Variants in KCNK1 observed in about 807,000 individuals in gnomAD.
KCNK1 encodes potassium two pore domain channel subfamily K member 1, also known as potassium channel subfamily K member 1.
KCNK1 carries 10 observed loss-of-function variants against 22.2 expected under a neutral mutation model. The ratio of observed to expected loss-of-function variants is 0.45; its 90% CI spans 0.28 to 0.76. KCNK1 has a LOEUF of 0.76. Ranked by LOEUF, KCNK1 falls within the 30% of genes least tolerant of loss-of-function variation. KCNK1 has a pLI of 0.14. For missense variants in KCNK1, 378 were observed against 421.0 expected (o/e 0.90, Z 0.89); for synonymous variants, 200 against 186.4 (o/e 1.07, Z -0.60).
chr1:233,644,975 A>G (rs1658066516), intron 1 of KCNK1, among the ~76,000 whole-genome samples: 1 of 152,168 alleles, frequency 6.6e-6, no homozygotes, highest in Non-Finnish European at 1.5e-5. Flanking sequence ...CGGGTGGATC[A>G]CGAGGTCAGG....
At chr1:233,667,286 G>T (rs190375509) in intron 2 of KCNK1, among the ~76,000 whole-genome samples, 1 of 152,108 alleles carries the variant, frequency 6.6e-6, no homozygotes, top group East Asian at 1.9e-4. Flanking sequence ...GAAGTTTTCC[G>T]AATTTACCAC....
chr1:233,655,187 G>A (rs2102904015), intron 1 of KCNK1, among the ~76,000 whole-genome samples: 1 of 152,318 alleles, frequency 6.6e-6, no homozygotes, highest in Non-Finnish European at 1.5e-5. Flanking sequence ...GACTTTGCTA[G>A]GGACCTATCC....
chr1:233,633,093 T>G (rs1282883393), intron 1 of KCNK1, among the ~76,000 whole-genome samples: 1 of 151,686 alleles, frequency 6.6e-6, no homozygotes, highest in African/African-American at 2.4e-5. Flanking sequence ...CTGTGTTGAT[T>G]TTTAGTGAGT....
chr1:233,618,845 C>T (rs1657529926), intron 1 of KCNK1, among the ~76,000 whole-genome samples: 1 of 152,086 alleles, frequency 6.6e-6, no homozygotes, highest in Non-Finnish European at 1.5e-5. Context: ...GATTGCACCA[C>T]TGTACTCCAG....
intron 1 of KCNK1, chr1:233,630,746 A>G (rs1657777373): frequency 6.5e-6 from 1 of 153,420 alleles, no homozygotes; most frequent in African/African-American, 2.4e-5. Context: ...ACATGTGCGC[A>G]GGTGATTCTT....
chr1:233,643,103 G>A (rs974770936), intron 1 of KCNK1, among the ~76,000 whole-genome samples: 6 of 151,940 alleles, frequency 3.9e-5, no homozygotes, highest in African/African-American at 1.5e-4. Flanking sequence ...TTTAATGTCA[G>A]TGATGAGGAA....
intron 1 of KCNK1, among the ~76,000 whole-genome samples, chr1:233,616,042 A>G (rs1189742073): frequency 1.3e-5 from 2 of 152,186 alleles, no homozygotes; most frequent in African/African-American, 2.4e-5. Flanking sequence ...TTTTCTTTCC[A>G]TAACTCTGCC....
intron 1 of KCNK1, among the ~76,000 whole-genome samples, chr1:233,648,820 G>A (rs1206948240): frequency 6.6e-6 from 1 of 152,138 alleles, no homozygotes; most frequent in East Asian, 1.9e-4. Context: ...ACCTGCCTTG[G>A]CCCCCCAAAG....
At chr1:233,656,568 G>A (rs1466459679) in intron 1 of KCNK1, among the ~76,000 whole-genome samples, 1 of 152,166 alleles carries the variant, frequency 6.6e-6, no homozygotes, top group East Asian at 1.9e-4. Context: ...CTCATTTCAT[G>A]TGATCAGCTT....
intron 1 of KCNK1, among the ~76,000 whole-genome samples, chr1:233,652,754 A>G (rs148327385): frequency 1.3e-5 from 2 of 152,290 alleles, no homozygotes; most frequent in Non-Finnish European, 2.9e-5. Context: ...AGTACACTGG[A>G]TGCTTCCTGG....
intron 1 of KCNK1, among the ~76,000 whole-genome samples, chr1:233,636,153 C>T (rs1358856787): frequency 6.6e-6 from 1 of 152,100 alleles, no homozygotes; most frequent in Non-Finnish European, 1.5e-5. Flanking sequence ...TCATGTAGGA[C>T]CTTATGGGCC....
In KCNK1 at chr1:233,666,854, C is replaced by T; in HGVS notation, c.615C>T (p.Val205=). 1.2e-6 allele frequency: 2 copies of T among 1,614,154 alleles called. No individual in the cohort carries two copies. The highest frequency in any genetic ancestry group is 1.1e-5 in the South Asian group (1 of 91,078). ...FFFIPAAVFS[V]LEDDWNFLES... ...TCATCCCGGCCGCTGTCTTCTCAGT[C>T]CTGGAGGATGACTGGAACTTCCTGG... Residue 205 remains valine, a synonymous_variant, in exon 2 of 3, where the codon GTC becomes GTT. Transcript: ENST00000366621.
intron 1 of KCNK1, among the ~76,000 whole-genome samples, chr1:233,653,533 G>T (rs1197261216): frequency 6.6e-6 from 1 of 152,196 alleles, no homozygotes; most frequent in East Asian, 1.9e-4. Context: ...ACTGAGTAGA[G>T]AAGATCCATC....
At chr1:233,659,492 T>C (rs1266631440) in intron 1 of KCNK1, among the ~76,000 whole-genome samples, 6 of 151,076 alleles carry the variant, frequency 4.0e-5, no homozygotes, top group Non-Finnish European at 8.9e-5. Context: ...AGGAATACAA[T>C]CTAAAATAAT....
intron 1 of KCNK1, among the ~76,000 whole-genome samples, chr1:233,663,341 A>G (rs1658435811): frequency 6.6e-6 from 1 of 152,212 alleles, no homozygotes; most frequent in Non-Finnish European, 1.5e-5. Flanking sequence ...CCATTACTGC[A>G]GAGAGAGGTC....
At chr1:233,653,355 A>G (rs971521000) in intron 1 of KCNK1, among the ~76,000 whole-genome samples, 1 of 152,142 alleles carries the variant, frequency 6.6e-6, no homozygotes. Flanking sequence ...TGGCCTCACT[A>G]TACCTGAATA....
At chr1:233,662,353 A>G (rs1310280974) in intron 1 of KCNK1, among the ~76,000 whole-genome samples, 1 of 151,590 alleles carries the variant, frequency 6.6e-6, no homozygotes, top group Non-Finnish European at 1.5e-5. Context: ...ACATTGTTCC[A>G]TATCATACTA....
intron 1 of KCNK1, among the ~76,000 whole-genome samples, chr1:233,624,727 C>A (rs1657654676): frequency 6.6e-6 from 1 of 152,096 alleles, no homozygotes; most frequent in Non-Finnish European, 1.5e-5. Context: ...TGAAGCTATT[C>A]ATATAAAAAC....
chr1:233,668,236 C>G (rs701234), intron 2 of KCNK1, among the ~76,000 whole-genome samples: 128,046 of 152,136 alleles, frequency 0.84, 54,025 homozygotes, highest in Admixed American at 0.89. Context: ...CGTTTTCTAG[C>G]GAATCATAGT....
Sources: gnomAD v4.1 joint callset for allele counts (sites outside exome capture counted in the v4.1 genomes callset) on GRCh38, gnomAD v4.1.1 for gene constraint, MANE v1.5 for transcripts, NCBI Gene and HGNC (gene_info 2026-07-23, HGNC 2026-07-21) for gene names.